Variants in TNRC6A observed in about 807,000 individuals in gnomAD.
The protein encoded by TNRC6A is trinucleotide repeat containing adaptor 6A, also known as trinucleotide repeat-containing gene 6A protein.
Under a neutral mutation model 221.2 loss-of-function variants are expected in TNRC6A, and 44 were observed. That is an observed-to-expected ratio of 0.20 (90% CI 0.16 to 0.26). TNRC6A has a LOEUF of 0.26. TNRC6A is among the 10% of genes least tolerant of loss of function. The probability of loss-of-function intolerance (pLI) is 1.00; values close to 1 mark genes in which losing one functional copy is unlikely to be tolerated. For missense variants in TNRC6A, 2,199 were observed against 2,404.4 expected (o/e 0.91, Z 1.79); for synonymous variants, 847 against 838.5 (o/e 1.01, Z -0.18).
rs760639252 is a variant in TNRC6A, at chr16:24,825,006, C to T, written c.*1199C>T. The T allele has an allele frequency of 4.6e-5, 7 of 152,586 alleles. No homozygotes were observed. The highest frequency in any genetic ancestry group is 8.8e-5 in the Non-Finnish European group (6 of 68,032). The allele number at this position is 152,586 out of a possible 1,614,324, so 9.5% of individuals were successfully genotyped here. A position where few individuals can be genotyped will look rare whatever the true frequency, so the allele number is the denominator to read the frequency against. ...AGGTAATAATTTTTTGTAATCCCAT[C>T]AAGTGGCTCCATATGTTTCTGCTCT... On this transcript the variant is annotated 3_prime_UTR_variant, in exon 25 of 25. Coordinates refer to ENST00000395799, the MANE Select transcript of TNRC6A (RefSeq NM_014494.4).
intron 2 of TNRC6A, among the ~76,000 whole-genome samples, chr16:24,701,667 C>T (rs2055979756): frequency 6.6e-6 from 1 of 152,106 alleles, no homozygotes; most frequent in South Asian, 2.1e-4. Context: ...TGCCCAGCCA[C>T]TTACTAACTT....
chr16:24,765,922 C>A (rs545023313), intron 4 of TNRC6A, among the ~76,000 whole-genome samples: 1 of 152,158 alleles, frequency 6.6e-6, no homozygotes, highest in Admixed American at 6.5e-5. Flanking sequence ...CCCGTTTTGG[C>A]TTTAGGCAAG....
chr16:24,773,063 C>G (rs973651269), intron 4 of TNRC6A, among the ~76,000 whole-genome samples: 1 of 151,888 alleles, frequency 6.6e-6, no homozygotes, highest in Non-Finnish European at 1.5e-5. Flanking sequence ...TAGAAGCATG[C>G]CTTGGATTAT....
intron 2 of TNRC6A, among the ~76,000 whole-genome samples, chr16:24,649,334 G>C (rs185319905): frequency 2.6e-4 from 39 of 151,560 alleles, no homozygotes; most frequent in Non-Finnish European, 5.3e-4. Flanking sequence ...TTTGAGACAG[G>C]GTCTCACTCT....
At chr16:24,650,742 CAT>C (rs1255739881) in intron 2 of TNRC6A, among the ~76,000 whole-genome samples, 1 of 151,966 alleles carries the variant, frequency 6.6e-6, no homozygotes, top group Non-Finnish European at 1.5e-5. Flanking sequence ...GATAGGTTCA[CAT>C]GTGATCTGAG....
At chr16:24,695,050 A>C (rs1014591457) in intron 2 of TNRC6A, among the ~76,000 whole-genome samples, 2 of 152,156 alleles carry the variant, frequency 1.3e-5, no homozygotes, top group African/African-American at 4.8e-5. Flanking sequence ...TGATTCAGAA[A>C]ACCCACATCG....
intron 5 of TNRC6A, among the ~76,000 whole-genome samples, chr16:24,786,779 G>T (rs1056646113): frequency 2.0e-5 from 3 of 151,950 alleles, no homozygotes; most frequent in Non-Finnish European, 4.4e-5. Context: ...CTGCCTCCGC[G>T]GTTTAAGCAA....
chr16:24,814,601 G>A lies in TNRC6A; in HGVS notation c.4673-546G>A, dbSNP rs184899565. Among the ~76,000 whole-genome samples, 401 of 151,862 alleles carry A rather than the reference G, an allele frequency of 2.6e-3. 3 individuals carry two copies. The highest frequency in any genetic ancestry group is 9.2e-3 in the African/African-American group (380 of 41,368). On this transcript the variant is annotated intron_variant, in intron 18 of 24. Transcript: ENST00000395799. The stretch of plus-strand genomic sequence containing the variant: ...AGCTAATTTTTGTATTTTTAGTAGA[G>A]ACAGGGTTTCACCATGTTGGCCAGG...
chr16:24,743,852 A>G (rs558597726), intron 2 of TNRC6A, among the ~76,000 whole-genome samples: 1 of 152,316 alleles, frequency 6.6e-6, no homozygotes, highest in African/African-American at 2.4e-5. Context: ...CCATTATGAA[A>G]ATGGGCACAG....
chr16:24,739,179 C>T (rs895563840), intron 2 of TNRC6A, among the ~76,000 whole-genome samples: 1 of 152,196 alleles, frequency 6.6e-6, no homozygotes, highest in Non-Finnish European at 1.5e-5. Flanking sequence ...CTTTCCATTG[C>T]CAGCATTTGT....
Position 24,824,536 on chromosome 16 carries a change from C to T in TNRC6A, c.*729C>T, listed in dbSNP as rs1045691501. On this transcript the variant is annotated 3_prime_UTR_variant, in exon 25 of 25. Transcript: ENST00000395799. ...GGCTTTCCATTTTGTTTTGGAGGTT[C>T]TCACTTTGAACCTTCTTGTTTACAG... is the stretch of plus-strand genomic sequence containing the variant. 1 of 152,030 alleles carries T rather than the reference C, an allele frequency of 6.6e-6. No individual in the cohort carries two copies. Among genetic ancestry groups the T allele is most frequent in the Non-Finnish European group, 1.5e-5 (1 of 67,954 alleles). The allele number at this position is 152,030 out of a possible 1,614,324, so 9.4% of individuals were successfully genotyped here.
chr16:24,788,421 A>G (rs1024936638), intron 5 of TNRC6A, among the ~76,000 whole-genome samples: 4 of 152,228 alleles, frequency 2.6e-5, no homozygotes, highest in Admixed American at 1.3e-4. Context: ...AAGCTTTCCA[A>G]TTCTTACCAT....
chr16:24,703,022 G>A lies in TNRC6A; in HGVS notation n.403-47704G>A, dbSNP rs1021119098. ...TGCACTCCAGCCTGGGTGACAGTGC[G>A]AGACTCTGTGTCAAAAATAAAATAA... On this transcript the variant is annotated intron_variant and non_coding_transcript_variant, in intron 2 of 2. Coordinates refer to the TNRC6A transcript ENST00000566108. 1.1e-4 allele frequency among the ~76,000 whole-genome samples: 16 copies of A among 149,980 alleles called. No homozygotes were observed. The East Asian group carries it at 1.3e-3, about 13-fold the overall frequency.
chr16:24,673,800 T>C (rs930019049), intron 2 of TNRC6A, among the ~76,000 whole-genome samples: 1 of 152,154 alleles, frequency 6.6e-6, no homozygotes, highest in Non-Finnish European at 1.5e-5. Flanking sequence ...TCAAGCGAAC[T>C]ACCCACTTCG....
chr16:24,647,018 T>TC (rs56394412), intron 2 of TNRC6A, among the ~76,000 whole-genome samples: 152,178 of 152,182 alleles, frequency 1, 76,087 homozygotes, highest in Middle Eastern at 1. Context: ...AGTTTTGACC[T>TC]CCTGGGCTCA....
intron 1 of TNRC6A, among the ~76,000 whole-genome samples, chr16:24,612,012 T>G (rs576967347): frequency 6.6e-6 from 1 of 152,288 alleles, no homozygotes; most frequent in East Asian, 1.9e-4. Flanking sequence ...GAGAATCGCT[T>G]GAGCCCAGGA....
chr16:24,610,576 A>C (rs1899999529), intron 1 of TNRC6A: 1 of 152,260 alleles, frequency 6.6e-6, no homozygotes, highest in African/African-American at 2.4e-5. Context: ...GGCCCGTTGG[A>C]AGGGAAGTGC....
rs1469810052 is a variant in TNRC6A at position 24,791,661 on chromosome 16, G to A, written c.3019G>A (p.Ala1007Thr). ...RKMEIDDGTS[A>T]WGDPSKYNYK... ...AATGGAGATTGATGATGGAACTTCA[G>A]CTTGGGGAGATCCAAGCAAATACAA... Residue 1007 changes from alanine to threonine, a missense_variant, in exon 6 of 25, where the codon GCT (alanine) becomes ACT (threonine). By Grantham distance (58) the Ala-to-Thr change is moderately conservative. This residue lies in a region of TNRC6A where 1,405 missense variants were observed against 1,400.2 expected (regional missense o/e 1.00). Transcript: ENST00000395799. 3 of 1,613,150 alleles carry A rather than the reference G, an allele frequency of 1.9e-6. No individual in the cohort carries two copies. The highest frequency in any genetic ancestry group is 2.5e-6 in the Non-Finnish European group (3 of 1,179,822).
At chr16:24,708,062 A>AACAAACAACAAAAAAC (rs539257245) in intron 2 of TNRC6A, among the ~76,000 whole-genome samples, 5 of 151,324 alleles carry the variant, frequency 3.3e-5, no homozygotes, top group African/African-American at 4.9e-5. Context: ...CTGTCAAAAA[A>AACAAACAACAAAAAAC]AAAAAAACAC....
Sources: gnomAD v4.1 joint callset for allele counts (sites outside exome capture counted in the v4.1 genomes callset) on GRCh38, gnomAD v4.1.1 for gene constraint, gnomAD v4.1.1 regional missense constraint, MANE v1.5 for transcripts, NCBI Gene and HGNC (gene_info 2026-07-23, HGNC 2026-07-21) for gene names.